MGAM2: variants seen among roughly 807,000 people sequenced by gnomAD.
The protein encoded by MGAM2 is probable maltase-glucoamylase 2.
Under a neutral mutation model 96.1 loss-of-function variants are expected in MGAM2, and 98 were observed. The ratio of observed to expected loss-of-function variants is 1.02; its 90% confidence interval spans 0.87 to 1.21. MGAM2 has a LOEUF of 1.21. Among genes scored for constraint, MGAM2 ranks in the 50% most tolerant of loss-of-function variants. The pLI is 0.00. For synonymous variants in MGAM2, 749 were observed against 414.8 expected, an observed-to-expected ratio of 1.81 and a Z score of -9.79; for missense variants, 2,055 against 1,182.4, an observed-to-expected ratio of 1.74 and a Z score of -10.82.
chr7:142,192,114 A>G (rs1367269862), intron 37 of MGAM2, among the ~76,000 whole-genome samples: 1 of 152,098 alleles, frequency 6.6e-6, no homozygotes, highest in Non-Finnish European at 1.5e-5. Context: ...TTCTGTCCCC[A>G]GAGTTTACAA....
chr7:142,190,687 T>A (rs1001724253), intron 37 of MGAM2, among the ~76,000 whole-genome samples: 1 of 152,162 alleles, frequency 6.6e-6, no homozygotes, highest in African/African-American at 2.4e-5. Flanking sequence ...GACATTCTAA[T>A]GGGGGTAAAG....
rs1287885545 is a variant in MGAM2, at chr7:142,220,109, AAGTACTACT to A, written c.5602_5610del (p.Thr1868_Ser1870del). On this transcript the variant is annotated inframe_deletion, in exon 48 of 48. Transcript: ENST00000477922. ...TTCCTATCACAACCACATCTTTCCC[AAGTACTACT>A]AGTGTTACAACTAATACTACTGTTC... 2.8e-6 allele frequency: 2 copies of A among 702,884 alleles called. No homozygotes were observed. The highest frequency in any genetic ancestry group is 4.0e-5 in the Admixed American group (2 of 50,006). 43.5% of individuals were successfully genotyped at this position (702,884 alleles called of 1,614,324 possible).
chr7:142,194,878 C>T (rs1796983691), intron 37 of MGAM2, among the ~76,000 whole-genome samples: 2 of 152,078 alleles, frequency 1.3e-5, no homozygotes, highest in African/African-American at 4.8e-5. Flanking sequence ...CTTTTTTAAG[C>T]AAATACTTGG....
chr7:142,157,989 G>C lies in MGAM2; in HGVS notation c.1976G>C (p.Arg659Thr), dbSNP rs1287893387. The C allele has an allele frequency of 1.4e-6, 1 of 702,792 alleles. No individual in the cohort carries two copies. The highest frequency in any genetic ancestry group is 2.6e-6 in the Non-Finnish European group (1 of 384,988). The allele number at this position is 702,792 out of a possible 1,614,324, so 43.5% of individuals were successfully genotyped here. A position where few individuals can be genotyped will look rare whatever the true frequency, so the allele number is the denominator to read the frequency against. The change falls in exon 18 of 48, where the codon AGA (arginine) becomes ACA (threonine). Residue 659 changes from arginine (R) to threonine (T), a missense_variant. Physicochemically the swap from Arg to Thr is moderately conservative, Grantham distance 71 (BLOSUM62 -1). Coordinates refer to ENST00000477922, the MANE Select transcript of MGAM2 (RefSeq NM_001293626.2). The part of the protein sequence containing the change: ...GVDSLLLKSS[R>T]HYLNIRYTLL... ...GATTCCCTGCTGCTGAAATCCTCCA[G>C]ACATTATCTGAACATCCGCTACACC... is the stretch of plus-strand genomic sequence containing the variant.
chr7:142,114,067 G>A (rs1342362180), intron 1 of MGAM2, among the ~76,000 whole-genome samples: 2 of 151,306 alleles, frequency 1.3e-5, no homozygotes, highest in African/African-American at 4.9e-5. Context: ...GGTGGCGGAG[G>A]TTGCGGTGAG....
At chr7:142,182,975 G>T (rs956164435) in intron 32 of MGAM2, among the ~76,000 whole-genome samples, 3 of 152,070 alleles carry the variant, frequency 2.0e-5, no homozygotes, top group African/African-American at 7.2e-5. Flanking sequence ...AGTATAGAAA[G>T]GCTCCTTCAT....
intron 35 of MGAM2, among the ~76,000 whole-genome samples, chr7:142,186,508 A>T (rs536315411): frequency 1.3e-5 from 2 of 152,200 alleles, no homozygotes; most frequent in African/African-American, 4.8e-5. Flanking sequence ...AGTTGAGAGC[A>T]AGTAGACGTT....
intron 3 of MGAM2, among the ~76,000 whole-genome samples, chr7:142,122,988 C>T (rs138602755): frequency 1.3e-5 from 2 of 151,986 alleles, no homozygotes; most frequent in Non-Finnish European, 2.9e-5. Context: ...CACCACCATG[C>T]CCAGCTAATT....
Position 142,131,567 on chromosome 7 carries a change from T to C in MGAM2, c.360T>C (p.Asn120=), listed in dbSNP as rs149525866. The change falls in exon 5 of 48, where the codon AAT becomes AAC. Residue 120 remains asparagine, a synonymous_variant. Transcript: ENST00000477922. ...KRLPSPSLFG[N]DVATTLFTAE... Reference sequence around the variant, plus strand: ...TGCCATCACCATCTCTGTTTGGAAATGATGTCGCCACCACCCTTTTCACAG... The same window carrying C: ...TGCCATCACCATCTCTGTTTGGAAACGATGTCGCCACCACCCTTTTCACAG... 1.4e-3 allele frequency: 979 copies of C among 703,062 alleles called. 1 individual carries two copies. Among genetic ancestry groups the C allele is most frequent in the Admixed American group, 3.2e-3 (161 of 50,014 alleles). 43.6% of individuals were successfully genotyped at this position (703,062 alleles called of 1,614,324 possible). A position where few individuals can be genotyped will look rare whatever the true frequency, so the allele number is the denominator to read the frequency against.
chr7:142,217,908 AC>A, intron 46 of MGAM2, among the ~76,000 whole-genome samples: 1 of 152,170 alleles, frequency 6.6e-6, no homozygotes, highest in African/African-American at 2.4e-5. Flanking sequence ...ACATAGTGAA[AC>A]CCCGTCTCTA....
In MGAM2 at chr7:142,196,809, G is replaced by A; in HGVS notation, c.4625G>A (p.Gly1542Glu). 1 of 779,378 alleles carries A rather than the reference G, an allele frequency of 1.3e-6. No homozygotes were observed. 48.3% of individuals were successfully genotyped at this position (779,378 alleles called of 1,614,324 possible). ...YPFSRNHNNIGTRRQDPVAWN... is the reference protein window; with the variant it reads ...YPFSRNHNNIETRRQDPVAWN... ...TTTTCCAGAAACCACAACAACATCG[G>A]GACAAGGGTGAGGCAGTAGTTCGTG... The change falls in exon 40 of 48, where the codon GGG (glycine) becomes GAG (glutamate). Residue 1542 changes from glycine (G) to glutamate (E), a missense_variant. Transcript: ENST00000477922.
At chr7:142,116,719 A>C (rs899531435) in intron 1 of MGAM2, among the ~76,000 whole-genome samples, 155 bp from the exon 2 acceptor site, 2 of 152,378 alleles carry the variant, frequency 1.3e-5, no homozygotes, top group African/African-American at 4.8e-5. Context: ...GACACTGATA[A>C]GTGGAAACAA....
intron 46 of MGAM2, 109 bp from the exon 47 acceptor site, chr7:142,218,252 A>G: frequency 2.0e-6 from 1 of 490,494 alleles, no homozygotes; most frequent in South Asian, 4.6e-5. Flanking sequence ...AAATAGAAAT[A>G]GCAAACTAAT....
chr7:142,196,808 G>A lies in MGAM2; in HGVS notation c.4624G>A (p.Gly1542Arg), dbSNP rs755726064. 33 of 779,476 alleles carry A rather than the reference G, an allele frequency of 4.2e-5. No homozygotes were observed. Among genetic ancestry groups the A allele is most frequent in the Middle Eastern group, 2.2e-4 (1 of 4,466 alleles). The allele number at this position is 779,476 out of a possible 1,614,324, so 48.3% of individuals were successfully genotyped here. A position where few individuals can be genotyped will look rare whatever the true frequency, so the allele number is the denominator to read the frequency against. ...ATTTTCCAGAAACCACAACAACATCGGGACAAGGGTGAGGCAGTAGTTCGT... is the reference window on the plus strand; with the variant it reads ...ATTTTCCAGAAACCACAACAACATCAGGACAAGGGTGAGGCAGTAGTTCGT... ...YPFSRNHNNI[G>R]TRRQDPVAWN... Residue 1542 changes from glycine to arginine, a missense_variant, in exon 40 of 48, where the codon GGG becomes AGG. Physicochemically the swap from Gly to Arg is moderately radical, Grantham distance 125. Coordinates refer to ENST00000477922, the MANE Select transcript of MGAM2 (RefSeq NM_001293626.2).
chr7:142,131,935 C>T lies in MGAM2; in HGVS notation c.425C>T (p.Thr142Ile), dbSNP rs1794900667. The T allele has an allele frequency of 2.9e-6, 2 of 701,206 alleles. No individual in the cohort carries two copies. The highest frequency in any genetic ancestry group is 3.0e-5 in the South Asian group (2 of 67,266). 43.4% of individuals were successfully genotyped at this position (701,206 alleles called of 1,614,324 possible). The change falls in exon 6 of 48, where the codon ACT becomes ATT. Residue 142 changes from threonine to isoleucine, a missense_variant. Physicochemically the swap from Thr to Ile is moderately conservative, Grantham distance 89. Coordinates refer to ENST00000477922, the MANE Select transcript of MGAM2 (RefSeq NM_001293626.2). The part of the protein sequence containing the change: ...QTSNRFHFKI[T>I]DFNNIRYEVS... ...CTTCTGTTTTTCTTTTGACAGATCA[C>T]TGACTTTAATAACATACGCTATGAA...
intron 46 of MGAM2, among the ~76,000 whole-genome samples, chr7:142,215,276 G>A (rs1286476314): frequency 6.6e-6 from 1 of 152,020 alleles, no homozygotes; most frequent in Non-Finnish European, 1.5e-5. Flanking sequence ...ACAGAGAGGG[G>A]AACTTCACAC....
At chr7:142,176,709 G>A (rs1390678266) in intron 32 of MGAM2, among the ~76,000 whole-genome samples, 1 of 152,046 alleles carries the variant, frequency 6.6e-6, no homozygotes, top group Non-Finnish European at 1.5e-5. Flanking sequence ...CAATAAAGAA[G>A]TTTCTTGTTT....
At chr7:142,180,716 AG>A (rs1252557970) in intron 32 of MGAM2, among the ~76,000 whole-genome samples, 1 of 152,104 alleles carries the variant, frequency 6.6e-6, no homozygotes, top group Non-Finnish European at 1.5e-5. Flanking sequence ...TATATTTCTC[AG>A]AGGTTTTGTT....
chr7:142,142,290 A>T (rs1048601386), intron 12 of MGAM2, among the ~76,000 whole-genome samples: 4 of 152,138 alleles, frequency 2.6e-5, no homozygotes, highest in Middle Eastern at 3.2e-3. Context: ...CCATATTTAT[A>T]TACTGCATTT....
Sources: gnomAD v4.1 joint callset for allele counts (sites outside exome capture counted in the v4.1 genomes callset) on GRCh38, gnomAD v4.1.1 for gene constraint, MANE v1.5 for transcripts, NCBI Gene and HGNC (gene_info 2026-07-23, HGNC 2026-07-21) for gene names.